The following KLF7 variants were observed in gnomAD, a reference collection of about 807,000 sequenced individuals.
KLF7 encodes the protein KLF transcription factor 7.
A neutral mutation model predicts 27.3 loss-of-function variants in KLF7; 2 were observed. The ratio of observed to expected loss-of-function variants is 0.07; its 90% CI spans 0.03 to 0.23. The LOEUF is 0.23. KLF7 is among the 10% of genes least tolerant of loss of function. The pLI is 1.00. For missense variants in KLF7, 221 were observed against 394.1 expected, an observed-to-expected ratio of 0.56 and a Z score of 3.72; for synonymous variants, 165 against 162.4, an observed-to-expected ratio of 1.02 and a Z score of -0.12.
intron 2 of KLF7, among the ~76,000 whole-genome samples, chr2:207,116,966 G>A (rs778287150): frequency 2.0e-5 from 3 of 152,100 alleles, no homozygotes; most frequent in Non-Finnish European, 4.4e-5. Flanking sequence ...GTCAAAAAGC[G>A]AGGTCCTCGG....
intron 2 of KLF7, among the ~76,000 whole-genome samples, chr2:207,116,472 T>A (rs1466741501): frequency 1.3e-5 from 2 of 152,206 alleles, no homozygotes; most frequent in Non-Finnish European, 2.9e-5. Context: ...TACATTATTA[T>A]TTCAACTTCA....
intron 2 of KLF7, among the ~76,000 whole-genome samples, chr2:207,092,694 A>T (rs990458676): frequency 1.3e-5 from 2 of 152,090 alleles, no homozygotes; most frequent in Non-Finnish European, 2.9e-5. Context: ...TTACAGGGTC[A>T]CTCTCCCTAT....
At chr2:207,105,986 G>T (rs992226329) in intron 2 of KLF7, among the ~76,000 whole-genome samples, 9 of 152,070 alleles carry the variant, frequency 5.9e-5, no homozygotes, top group Admixed American at 3.3e-4. Context: ...ATTAATAATT[G>T]TTTATCAATT....
At chr2:207,166,998 T>G (rs2078735315), upstream of KLF7, 2 of 792,422 alleles carry the variant, frequency 2.5e-6, no homozygotes, top group Non-Finnish European at 3.3e-6. Context: ...AGAGACCTGG[T>G]CGGGAGTCCG....
intron 2 of KLF7, among the ~76,000 whole-genome samples, chr2:207,115,996 C>T (rs1211832769): frequency 6.6e-6 from 1 of 152,090 alleles, no homozygotes; most frequent in Non-Finnish European, 1.5e-5. Flanking sequence ...ATATTAGGTA[C>T]TTAGGTAGGG....
intron 2 of KLF7, among the ~76,000 whole-genome samples, chr2:207,100,739 A>G (rs1213768753): frequency 6.6e-6 from 1 of 152,134 alleles, no homozygotes; most frequent in African/African-American, 2.4e-5. Flanking sequence ...CTCTTTGGCC[A>G]GTTATTTACT....
upstream of KLF7, chr2:207,166,309 T>C (rs971549708): frequency 2.5e-6 from 1 of 396,544 alleles, no homozygotes; most frequent in Non-Finnish European, 3.4e-6. Flanking sequence ...CGGATCTCCC[T>C]GCTGCCTTAC....
At chr2:207,089,223 A>C (rs1559112337) in intron 2 of KLF7, among the ~76,000 whole-genome samples, 1 of 152,258 alleles carries the variant, frequency 6.6e-6, no homozygotes, top group Admixed American at 6.5e-5. Flanking sequence ...ATACTATCAC[A>C]AAAGTCTGAG....
chr2:207,150,134 A>G (rs1363087976), intron 1 of KLF7, among the ~76,000 whole-genome samples: 5 of 152,180 alleles, frequency 3.3e-5, no homozygotes, highest in Non-Finnish European at 7.3e-5. Flanking sequence ...ACATATACAA[A>G]TGCACATGAT....
chr2:207,170,378 A>G (rs1219602282), upstream of KLF7, among the ~76,000 whole-genome samples: 1 of 152,214 alleles, frequency 6.6e-6, no homozygotes, highest in East Asian at 1.9e-4. Flanking sequence ...TAAGGGAAAA[A>G]GTCATCTCCA....
At chr2:207,133,633 G>A (rs918799043) in intron 1 of KLF7, among the ~76,000 whole-genome samples, 1 of 152,158 alleles carries the variant, frequency 6.6e-6, no homozygotes, top group South Asian at 2.1e-4. Flanking sequence ...AGGGCCTGAT[G>A]CTTCAGAAAC....
rs181364291 is a variant in KLF7, at chr2:207,118,081, G to A, written c.733+5693C>T. On this transcript the variant is annotated intron_variant, in intron 2 of 3. Coordinates refer to ENST00000309446, the MANE Select transcript of KLF7 (RefSeq NM_003709.4). ...TAAGCCTATAGGTCAGGAGACATGG[G>A]TCCAATTTAATTTCTAACAACAGGG... Among the ~76,000 whole-genome samples, 420 of 152,264 alleles carry A rather than the reference G, an allele frequency of 2.8e-3. 5 individuals carry two copies. The highest frequency in any genetic ancestry group is 9.6e-3 in the African/African-American group (398 of 41,534).
chr2:207,103,129 T>C (rs952943632), intron 2 of KLF7, among the ~76,000 whole-genome samples: 5 of 152,220 alleles, frequency 3.3e-5, no homozygotes, highest in African/African-American at 1.2e-4. Flanking sequence ...GGTTTCACTA[T>C]GTTGACCAGG....
At chr2:207,106,140 T>C (rs1451387858) in intron 2 of KLF7, among the ~76,000 whole-genome samples, 1 of 152,222 alleles carries the variant, frequency 6.6e-6, no homozygotes, top group African/African-American at 2.4e-5. Context: ...TACATTTCTA[T>C]TGGAAAGTGG....
intron 2 of KLF7, among the ~76,000 whole-genome samples, chr2:207,094,273 A>G (rs950353285): frequency 6.6e-6 from 1 of 152,238 alleles, no homozygotes; most frequent in African/African-American, 2.4e-5. Context: ...AAAATTTCAA[A>G]TTCTTAATGC....
upstream of KLF7, chr2:207,166,814 A>G (rs1451925328): frequency 4.0e-6 from 4 of 1,009,404 alleles, no homozygotes; most frequent in African/African-American, 1.7e-5. Context: ...ACGGGCTGCC[A>G]GGGTGCAGAG....
At chr2:207,122,541 G>A (rs2077366274) in intron 2 of KLF7, among the ~76,000 whole-genome samples, 4 of 152,184 alleles carry the variant, frequency 2.6e-5, no homozygotes, top group Admixed American at 2.6e-4. Flanking sequence ...CTAAGAGCCA[G>A]ATTGTTCAAC....
intron 1 of KLF7, among the ~76,000 whole-genome samples, chr2:207,133,747 G>C (rs959093120): frequency 4.6e-5 from 7 of 152,070 alleles, no homozygotes; most frequent in Non-Finnish European, 1.0e-4. Flanking sequence ...GAGGGGGAGG[G>C]GGGGAGCCAT....
rs149567887 is a variant in KLF7 at position 207,123,935 on chromosome 2, G to A, written c.572C>T (p.Ala191Val). 225 of 1,614,074 alleles carry A rather than the reference G, an allele frequency of 1.4e-4. No individual in the cohort carries two copies. In the African/African-American group the frequency reaches 2.1e-3, roughly 15 times the overall value. ...VATAAAAVTA[A>V]GAVKSGQSDS... The stretch of plus-strand genomic sequence containing the variant: ...GCTCTGTCCACTCTTAACGGCCCCC[G>A]CAGCCGTCACGGCTGCTGCAGCTGT... Residue 191 changes from alanine to valine, a missense_variant, in exon 2 of 4, where the codon GCG becomes GTG. Transcript: ENST00000309446.
Sources: gnomAD v4.1 joint callset for allele counts (sites outside exome capture counted in the v4.1 genomes callset) on GRCh38, gnomAD v4.1.1 for gene constraint, MANE v1.5 for transcripts, NCBI Gene and HGNC (gene_info 2026-07-23, HGNC 2026-07-21) for gene names.